ADGRF5: variants seen among roughly 807,000 people sequenced by gnomAD.
ADGRF5 encodes G-protein coupled receptor 116.
A neutral mutation model predicts 132.3 loss-of-function variants in ADGRF5; 75 were observed. The observed-to-expected ratio is 0.57, with a 90% confidence interval of 0.47 to 0.69. The LOEUF (loss-of-function observed/expected upper bound fraction) is 0.69, where lower values mean the gene tolerates loss of function less well. Among genes scored for constraint, ADGRF5 ranks in the 30% least tolerant of loss-of-function variants. ADGRF5 has a pLI of 0.00. For synonymous variants in ADGRF5, 629 were observed against 597.6 expected (o/e 1.05, Z -0.77); for missense variants, 1,516 against 1,630.6 (o/e 0.93, Z 1.21).
chr6:46,953,678 T>G (rs747960315), intron 1 of ADGRF5, among the ~76,000 whole-genome samples: 4 of 138,566 alleles, frequency 2.9e-5, no homozygotes, highest in Admixed American at 1.4e-4. Context: ...TATATATATA[T>G]ATATATATAT....
At chr6:46,872,700 ATCTT>A (rs1771214175) in intron 10 of ADGRF5, among the ~76,000 whole-genome samples, 1 of 151,898 alleles carries the variant, frequency 6.6e-6, no homozygotes, top group Non-Finnish European at 1.5e-5. Flanking sequence ...CCTCCATGCC[ATCTT>A]TCCTATTGCC....
At chr6:46,893,058 ATTTTTTTTTTTTTT>A (rs35014340) in intron 3 of ADGRF5, among the ~76,000 whole-genome samples, 1 of 86,734 alleles carries the variant, frequency 1.2e-5, no homozygotes, top group African/African-American at 4.4e-5. Flanking sequence ...GACAACAGGG[ATTTTTTTTTTTTTT>A]TTTTTTTTTT....
At chr6:46,894,040 A>G (rs933784929) in intron 3 of ADGRF5, among the ~76,000 whole-genome samples, 1 of 152,220 alleles carries the variant, frequency 6.6e-6, no homozygotes, top group African/African-American at 2.4e-5. Flanking sequence ...GTAGATGGGT[A>G]AATTAACTTC....
intron 1 of ADGRF5, among the ~76,000 whole-genome samples, chr6:46,947,479 T>G (rs1031181172): frequency 2.0e-5 from 3 of 152,218 alleles, no homozygotes; most frequent in Non-Finnish European, 4.4e-5. Flanking sequence ...CATCTGCGGG[T>G]GCACACCACT....
intron 9 of ADGRF5, among the ~76,000 whole-genome samples, chr6:46,879,287 G>C (rs186803352): frequency 1.3e-5 from 2 of 151,514 alleles, no homozygotes; most frequent in Non-Finnish European, 2.9e-5. Context: ...TTAATACCAC[G>C]GTGATATGAT....
chr6:46,924,746 A>T (rs1449036739), upstream of ADGRF5, among the ~76,000 whole-genome samples: 1 of 152,192 alleles, frequency 6.6e-6, no homozygotes, highest in Non-Finnish European at 1.5e-5. Flanking sequence ...AGTCTCTCCC[A>T]TATTAGCAAA....
chr6:46,877,843 A>C (rs1325092518), intron 10 of ADGRF5, among the ~76,000 whole-genome samples: 1 of 152,178 alleles, frequency 6.6e-6, no homozygotes, highest in East Asian at 1.9e-4. Context: ...CCTCAATGAC[A>C]AATGACCTCA....
chr6:46,890,689 C>T (rs566611675), intron 3 of ADGRF5, among the ~76,000 whole-genome samples: 2 of 152,030 alleles, frequency 1.3e-5, no homozygotes, highest in East Asian at 3.9e-4. Context: ...TGCACTCCAG[C>T]CTGGGCGGCG....
intron 1 of ADGRF5, among the ~76,000 whole-genome samples, chr6:46,911,494 T>C (rs1775947545): frequency 6.6e-6 from 1 of 152,198 alleles, no homozygotes; most frequent in South Asian, 2.1e-4. Context: ...ATCTCCATCT[T>C]TTCCTGTCCC....
Position 46,852,888 on chromosome 6 carries a change from T to C in ADGRF5, c.*1104A>G, listed in dbSNP as rs2150766022. 6.6e-6 allele frequency: 1 copy of C among 152,620 alleles called. No individual in the cohort carries two copies. Among genetic ancestry groups the C allele is most frequent in the East Asian group, 1.9e-4 (1 of 5,196 alleles). 9.5% of individuals were successfully genotyped at this position (152,620 alleles called of 1,614,324 possible). On this transcript the variant is annotated 3_prime_UTR_variant, in exon 21 of 21. Coordinates refer to ENST00000283296, the MANE Select transcript of ADGRF5 (RefSeq NM_001098518.2). The stretch of plus-strand genomic sequence containing the variant: ...AGCTATGCAACACACCAAGGGCCAG[T>C]ATCCACAATAATAATAACAGTGACA...
chr6:46,868,364 C>A (rs1770682522), intron 12 of ADGRF5, among the ~76,000 whole-genome samples: 1 of 152,206 alleles, frequency 6.6e-6, no homozygotes, highest in African/African-American at 2.4e-5. Context: ...TAGTGCCTAT[C>A]ACATAGTTAA....
intron 1 of ADGRF5, among the ~76,000 whole-genome samples, chr6:46,936,907 T>G (rs1194169138): frequency 6.6e-6 from 1 of 152,196 alleles, no homozygotes; most frequent in African/African-American, 2.4e-5. Flanking sequence ...GTTCCTGCCC[T>G]CTAGCCACAG....
intron 1 of ADGRF5, among the ~76,000 whole-genome samples, chr6:46,943,762 T>A (rs926936558): frequency 6.6e-6 from 1 of 152,192 alleles, no homozygotes; most frequent in Non-Finnish European, 1.5e-5. Context: ...CAAACCCAGT[T>A]CTTGTCACTA....
intron 15 of ADGRF5, among the ~76,000 whole-genome samples, chr6:46,862,529 G>A (rs1275152224): frequency 6.6e-6 from 1 of 151,796 alleles, no homozygotes; most frequent in Non-Finnish European, 1.5e-5. Context: ...TTTCTGAAAG[G>A]ATTATAGCAA....
intron 16 of ADGRF5, 77 bp downstream of exon 16, chr6:46,860,638 A>G (rs1424003952): frequency 9.6e-7 from 1 of 1,038,578 alleles, no homozygotes; most frequent in African/African-American, 1.6e-5. Flanking sequence ...ATGGGGAGGA[A>G]TTACGTTTCT....
intron 3 of ADGRF5, among the ~76,000 whole-genome samples, chr6:46,890,838 G>A (rs1181620888): frequency 6.6e-6 from 1 of 152,110 alleles, no homozygotes; most frequent in Non-Finnish European, 1.5e-5. Flanking sequence ...TATGTTAAAA[G>A]GGCAAAAAAT....
In ADGRF5 at chr6:46,884,162, G is replaced by A. The variant is rs1772801753; in HGVS notation, c.438C>T (p.Leu146=). Residue 146 remains leucine, a synonymous_variant, in exon 5 of 21, where the codon CTC becomes CTT. Transcript: ENST00000283296. ...NLICQERDVF[L]PGHHCSCLKE... ...TAAGGCAACTGCAATGGTGCCCTGG[G>A]AGGAAGACGTCACGCTCTTGACAAA... 3 of 1,614,130 alleles carry A rather than the reference G, an allele frequency of 1.9e-6. No individual in the cohort carries two copies. The highest frequency in any genetic ancestry group is 2.5e-6 in the Non-Finnish European group (3 of 1,179,964).
chr6:46,953,678 T>TATAG, intron 1 of ADGRF5, among the ~76,000 whole-genome samples: 1 of 138,560 alleles, frequency 7.2e-6, no homozygotes, highest in Middle Eastern at 3.7e-3. Flanking sequence ...TATATATATA[T>TATAG]ATATATATAT....
chr6:46,870,199 G>A (rs980602578), intron 11 of ADGRF5, among the ~76,000 whole-genome samples: 46 of 152,068 alleles, frequency 3.0e-4, no homozygotes, highest in African/African-American at 1.1e-3. Context: ...GTCTCATTCT[G>A]TCACCCAGGC....
Sources: gnomAD v4.1 joint callset for allele counts (sites outside exome capture counted in the v4.1 genomes callset) on GRCh38, gnomAD v4.1.1 for gene constraint, MANE v1.5 for transcripts, NCBI Gene and HGNC (gene_info 2026-07-23, HGNC 2026-07-21) for gene names.